Variants in MPO observed in about 807,000 individuals in gnomAD.
MPO encodes myeloperoxidase.
In MPO, 57 loss-of-function variants were observed where a neutral mutation model predicts 69.4. That is an observed-to-expected ratio of 0.82 (90% confidence interval 0.66 to 1.02). The LOEUF (loss-of-function observed/expected upper bound fraction) is 1.02. Among genes scored for constraint, MPO ranks in the 50% least tolerant of loss-of-function variants. The pLI is 0.00. For synonymous variants in MPO, 426 were observed against 417.1 expected, an observed-to-expected ratio of 1.02 and a Z score of -0.26; for missense variants, 971 against 1,014.1, an observed-to-expected ratio of 0.96 and a Z score of 0.58.
chr17:58,278,935 A>G (rs1970474495), intron 6 of MPO, 73 bp downstream of exon 6: 1 of 1,501,994 alleles, frequency 6.7e-7, no homozygotes, highest in African/African-American at 1.4e-5. Context: ...ACCTGGGCAC[A>G]GAAGGGAGAT....
chr17:58,278,236 G>T, intron 6 of MPO, 91 bp from the exon 7 acceptor site: 1 of 1,469,540 alleles, frequency 6.8e-7, no homozygotes, highest in Non-Finnish European at 9.3e-7. Flanking sequence ...AGGACCTCTG[G>T]TACCCTCAAC....
Position 58,273,552 on chromosome 17 carries a change from T to G in MPO, c.1483A>C (p.Thr495Pro), listed in dbSNP as rs750195147. 1 of 1,614,190 alleles carries G rather than the reference T, an allele frequency of 6.2e-7. No homozygotes were observed. Residue 495 changes from threonine (T) to proline (P), a missense_variant, in exon 9 of 12, where the codon ACC becomes CCC. Physicochemically the swap from Thr to Pro is conservative, Grantham distance 38. Transcript: ENST00000225275. ...GTGTGGCCGTAGCGGAAGGCATTGG[T>G]GAAGACGTTGGCGATGCGTGGGTCC... ...SVDPRIANVF[T>P]NAFRYGHTLI...
At position 58,278,292 on chromosome 17, in the gene MPO, C is replaced by T. The variant is rs544800688; in HGVS notation, c.886-147G>A. The stretch of plus-strand genomic sequence containing the variant: ...GCCCGAAAGGGATCGCTGCCTAGGG[C>T]GCCATCAGCAACAGCCTCTGAGGTG... On this transcript the variant is annotated intron_variant, in intron 6 of 11. Coordinates refer to ENST00000225275, the MANE Select transcript of MPO (RefSeq NM_000250.2). The T allele has an allele frequency of 2.2e-5, 19 of 865,098 alleles. No individual in the cohort carries two copies. In the East Asian group the frequency reaches 3.9e-4, roughly 18 times the overall value. The allele number at this position is 865,098 out of a possible 1,614,324, so 53.6% of individuals were successfully genotyped here.
intron 2 of MPO, 113 bp from the exon 3 acceptor site, chr17:58,280,127 G>A (rs1970497717): frequency 7.2e-7 from 1 of 1,397,136 alleles, no homozygotes. Context: ...CGGGTGGGAG[G>A]AAGGCTTCCT....
intron 7 of MPO, among the ~76,000 whole-genome samples, chr17:58,277,140 C>T (rs551859672): frequency 5.1e-4 from 78 of 151,950 alleles, no homozygotes; most frequent in South Asian, 8.3e-4. Flanking sequence ...AATGTCTGGT[C>T]ATGGCTGCCA....
chr17:58,270,591 A>T lies in MPO; in HGVS notation c.*65T>A, dbSNP rs931495759. 1.7e-5 allele frequency: 23 copies of T among 1,343,010 alleles called. 1 individual carries two copies. Among genetic ancestry groups the T allele is most frequent in the Non-Finnish European group, 2.3e-5 (22 of 957,024 alleles). The allele number at this position is 1,343,010 out of a possible 1,614,324, so 83.2% of individuals were successfully genotyped here. A position where few individuals can be genotyped will look rare whatever the true frequency, so the allele number is the denominator to read the frequency against. On this transcript the variant is annotated 3_prime_UTR_variant, in exon 12 of 12. Coordinates refer to ENST00000225275, the MANE Select transcript of MPO (RefSeq NM_000250.2). This position sits in a 1 kb window ranked among gnomAD's most constrained non-coding sequence, Gnocchi z 4.1. ...GGCTGGGCTCATCTAGGGCAAGGAG[A>T]TCTCCGTGGTTCCAACTGGCCAGCC...
At chr17:58,276,699 C>A (rs548757236) in intron 7 of MPO, among the ~76,000 whole-genome samples, 4 of 152,190 alleles carry the variant, frequency 2.6e-5, no homozygotes, top group African/African-American at 4.8e-5. Context: ...GAAAGTCCGA[C>A]CTGGATCCTC....
At chr17:58,278,413 C>G (rs941069107) in intron 6 of MPO, among the ~76,000 whole-genome samples, 13 of 152,098 alleles carry the variant, frequency 8.5e-5, no homozygotes, top group South Asian at 2.1e-4. Flanking sequence ...AAGCGTCGCC[C>G]GTCTCTCTCC....
Position 58,270,625 on chromosome 17 carries a change from C to CA in MPO, c.*30_*31insT. ...GTTCCAACTGGCCAGCCCAGATATA[C>CA]CCCTCACTGCTGCACCCCCTTACCT... is the stretch of plus-strand genomic sequence containing the variant. On this transcript the variant is annotated 3_prime_UTR_variant, in exon 12 of 12. Transcript: ENST00000225275. This position sits in a 1 kb window ranked among gnomAD's most constrained non-coding sequence, Gnocchi z 4.1. 6.4e-7 allele frequency: 1 copy of CA among 1,562,974 alleles called. No homozygotes were observed. Among genetic ancestry groups the CA allele is most frequent in the African/African-American group, 1.4e-5 (1 of 73,716 alleles).
chr17:58,271,621 C>T, intron 11 of MPO, 34 bp downstream of exon 11: 8 of 1,602,414 alleles, frequency 5.0e-6, no homozygotes, highest in Non-Finnish European at 6.0e-6. Context: ...GGCCCACAGC[C>T]ACCCAGCGGC....
At position 58,279,161 on chromosome 17, in the gene MPO, C is replaced by G. The variant is rs368312374; in HGVS notation, c.732G>C (p.Pro244=). ...IVRFPTDQLT[P]DQERSLMFMQ... is the part of the protein sequence containing the mutation. ...TGAACATGAGTGAGCGCTCCTGGTC[C>G]GGAGTCAGCTGATCAGTGGGGAAGC... Residue 244 remains proline, a synonymous_variant, in exon 6 of 12, where the codon CCG becomes CCC. Coordinates refer to ENST00000225275, the MANE Select transcript of MPO (RefSeq NM_000250.2). 6.2e-7 allele frequency: 1 copy of G among 1,611,988 alleles called. No individual in the cohort carries two copies. Among genetic ancestry groups the G allele is most frequent in the Non-Finnish European group, 8.5e-7 (1 of 1,179,126 alleles).
In MPO at chr17:58,273,628, T is replaced by C; in HGVS notation, c.1407A>G (p.Pro469=). 2 of 1,614,224 alleles carry C rather than the reference T, an allele frequency of 1.2e-6. No individual in the cohort carries two copies. The highest frequency in any genetic ancestry group is 1.1e-5 in the South Asian group (1 of 91,084). ...TGGGCAGGTACTTCCTCATGGCCGTTGGCCCCAGCACCAGGGGCAGGTAGT... is the reference window on the plus strand; with the variant it reads ...TGGGCAGGTACTTCCTCATGGCCGTCGGCCCCAGCACCAGGGGCAGGTAGT... The part of the protein sequence containing the change: ...YRDYLPLVLG[P]TAMRKYLPTY... The change falls in exon 9 of 12, where the codon CCA becomes CCG. Residue 469 remains proline (P), a synonymous_variant. Transcript: ENST00000225275.
Position 58,270,916 on chromosome 17 carries a change from G to A in MPO, c.2031-53C>T. On this transcript the variant is annotated intron_variant, in intron 11 of 11. Coordinates refer to ENST00000225275, the MANE Select transcript of MPO (RefSeq NM_000250.2). This position sits in a 1 kb window ranked among gnomAD's most constrained non-coding sequence, Gnocchi z 4.1. ...TGCCCAAGGATATTCTGGGCTGGCA[G>A]GGCATCGATGGGCTTGTGCTGCTCC... 1.3e-6 allele frequency: 2 copies of A among 1,584,774 alleles called. No individual in the cohort carries two copies. The highest frequency in any genetic ancestry group is 1.1e-5 in the South Asian group (1 of 90,250).
chr17:58,280,141 A>T, intron 2 of MPO, 127 bp from the exon 3 acceptor site: 2 of 1,263,730 alleles, frequency 1.6e-6, no homozygotes, highest in Admixed American at 2.0e-5. Context: ...GCTTCCTTTT[A>T]TAAAAAGGAT....
Position 58,272,642 on chromosome 17 carries a change from T to C in MPO, c.1792+106A>G, listed in dbSNP as rs1028202111. 4.5e-6 allele frequency: 6 copies of C among 1,343,218 alleles called. No individual in the cohort carries two copies. The Admixed American group carries it at 8.3e-5, about 19-fold the overall frequency. The allele number at this position is 1,343,218 out of a possible 1,614,324, so 83.2% of individuals were successfully genotyped here. On this transcript the variant is annotated intron_variant, in intron 10 of 11. Coordinates refer to ENST00000225275, the MANE Select transcript of MPO (RefSeq NM_000250.2). ...TCCTGAGAGCAAAGTGCCTCTAATA[T>C]GCTTTGGAGAGGGCAGGGACCCTAG...
rs780416471 is a variant in MPO, at chr17:58,277,992, C to G, written c.1039G>C (p.Glu347Gln). 62 of 1,613,826 alleles carry G rather than the reference C, an allele frequency of 3.8e-5. No individual in the cohort carries two copies. The Admixed American group carries it at 1.0e-3, about 27-fold the overall frequency. ...VDASMVYGSE[E>Q]PLARNLRNMS... is the part of the protein sequence containing the mutation. ...TTGCGCAGGTTCCTGGCCAGGGGCT[C>G]CTCGCTGCCGTACACCATGCTGGCG... is the stretch of plus-strand genomic sequence containing the variant. Residue 347 changes from glutamate to glutamine, a missense_variant, in exon 7 of 12, where the codon GAG (glutamate) becomes CAG (glutamine). Transcript: ENST00000225275.
rs755802027 is a variant in MPO, at chr17:58,279,292, C to T, written c.678+5G>A. On this transcript the variant is annotated splice_donor_5th_base_variant and intron_variant, in intron 5 of 11. Transcript: ENST00000225275. Reference sequence around the variant, plus strand: ...GCCTCGCCCCCTCTGCCCGCCGGCGCTCACCAGAGCCACCGGGAAGCCGTT... The same window carrying T: ...GCCTCGCCCCCTCTGCCCGCCGGCGTTCACCAGAGCCACCGGGAAGCCGTT... 23 of 1,563,958 alleles carry T rather than the reference C, an allele frequency of 1.5e-5. No individual in the cohort carries two copies. The highest frequency in any genetic ancestry group is 2.0e-5 in the Non-Finnish European group (23 of 1,154,654).
chr17:58,272,943 G>A lies in MPO; in HGVS notation c.1622-25C>T, dbSNP rs151004081. ...CCTGGGGACCAGAGGAGCCAGGTCA[G>A]GGGAAGTATCTGGCTCAGTATCAGA... On this transcript the variant is annotated intron_variant, in intron 9 of 11. Coordinates refer to ENST00000225275, the MANE Select transcript of MPO (RefSeq NM_000250.2). The A allele has an allele frequency of 1.6e-5, 26 of 1,613,466 alleles. No homozygotes were observed. In the African/African-American group the frequency reaches 2.5e-4, roughly 16 times the overall value.
intron 2 of MPO, 21 bp from the exon 3 acceptor site, chr17:58,280,035 T>A: frequency 6.2e-7 from 1 of 1,609,630 alleles, no homozygotes; most frequent in Non-Finnish European, 8.5e-7. Context: ...AAAGGAGGAG[T>A]GAGGGCCAGA....
Sources: allele counts gnomAD v4.1 joint callset (sites outside exome capture counted in the v4.1 genomes callset), GRCh38; gene constraint gnomAD v4.1.1; non-coding constraint Gnocchi (gnomAD v3.1); transcripts MANE v1.5; gene names NCBI Gene and HGNC (gene_info 2026-07-23, HGNC 2026-07-21).